The following PMM2 variants were observed in gnomAD, a reference collection of about 807,000 sequenced individuals.
PMM2 encodes the protein mannose-6-phosphate isomerase.
PMM2 carries 35 observed loss-of-function variants against 33.2 expected under a neutral mutation model. The observed-to-expected ratio is 1.06, with a 90% confidence interval of 0.81 to 1.40. The LOEUF is 1.40. Ranked by LOEUF, PMM2 falls within the 40% of genes most tolerant of loss-of-function variation. The pLI is 0.00. For synonymous variants in PMM2, 153 were observed against 114.7 expected, an observed-to-expected ratio of 1.33 and a Z score of -2.13; for missense variants, 386 against 306.0, an observed-to-expected ratio of 1.26 and a Z score of -1.95.
At chr16:8,819,785 G>C (rs2060727670) in intron 7 of PMM2, among the ~76,000 whole-genome samples, 1 of 151,932 alleles carries the variant, frequency 6.6e-6, no homozygotes, top group Non-Finnish European at 1.5e-5. Context: ...CTCAGTGTCA[G>C]ACCCTGAGCT....
At position 8,813,857 on chromosome 16, in the gene PMM2, C is replaced by CTTTTTTT. The variant is rs148507269; in HGVS notation, c.639+770_639+776dup. 1.6e-3 allele frequency among the ~76,000 whole-genome samples: 144 copies of CTTTTTTT among 89,126 alleles called. 1 individual carries two copies. Among genetic ancestry groups the CTTTTTTT allele is most frequent in the Non-Finnish European group, 2.2e-3 (100 of 46,114 alleles). 58.5% of individuals were successfully genotyped at this position (89,126 alleles called of 152,430 possible). On this transcript the variant is annotated intron_variant, in intron 7 of 7. Coordinates refer to ENST00000268261, the MANE Select transcript of PMM2 (RefSeq NM_000303.3). ...CTTTGGGCCAGCTCCTTTTCTTTCT[C>CTTTTTTT]TTTTTTTTTTTTTTTTTTTTTTTTT...
At chr16:8,846,941 G>A (rs1237957137) in intron 7 of PMM2, among the ~76,000 whole-genome samples, 10 of 152,214 alleles carry the variant, frequency 6.6e-5, no homozygotes, top group Admixed American at 5.9e-4. Flanking sequence ...TCGGCTTACT[G>A]CAACTTCCAC....
intron 7 of PMM2, among the ~76,000 whole-genome samples, chr16:8,825,743 A>G (rs1048338148): frequency 6.8e-6 from 1 of 147,270 alleles, no homozygotes; most frequent in African/African-American, 2.5e-5. Flanking sequence ...TCAGTGTTCA[A>G]AAATAAAACA....
chr16:8,815,399 T>G (rs2060702274), intron 7 of PMM2, among the ~76,000 whole-genome samples: 1 of 151,990 alleles, frequency 6.6e-6, no homozygotes, highest in Non-Finnish European at 1.5e-5. Context: ...CCCGGCTAAT[T>G]TTTGTATTTT....
At chr16:8,832,807 C>T in intron 7 of PMM2, 1 of 985,452 alleles carries the variant, frequency 1.0e-6, no homozygotes, top group Non-Finnish European at 1.2e-6. Context: ...GGCCCCAGCC[C>T]CTGCCCATCC....
intron 7 of PMM2, among the ~76,000 whole-genome samples, chr16:8,823,257 T>G (rs1169519207): frequency 6.6e-6 from 1 of 152,030 alleles, no homozygotes; most frequent in Non-Finnish European, 1.5e-5. Flanking sequence ...TTGCAGGGCC[T>G]CAGGAAAAAG....
chr16:8,843,307 G>A (rs556329818), intron 7 of PMM2, among the ~76,000 whole-genome samples: 3 of 152,122 alleles, frequency 2.0e-5, no homozygotes, highest in East Asian at 3.9e-4. Flanking sequence ...AAAGCTTGGC[G>A]TCCGTGATGG....
chr16:8,833,563 G>A (rs527291535), intron 7 of PMM2, among the ~76,000 whole-genome samples: 21 of 151,582 alleles, frequency 1.4e-4, no homozygotes, highest in African/African-American at 3.9e-4. Context: ...GAGAATGGAC[G>A]ATGTTTCTCA....
intron 7 of PMM2, among the ~76,000 whole-genome samples, chr16:8,833,906 A>G (rs988075851): frequency 6.6e-6 from 1 of 152,124 alleles, no homozygotes; most frequent in Non-Finnish European, 1.5e-5. Context: ...GGATAGCACC[A>G]GGAGATATCA....
intron 7 of PMM2, among the ~76,000 whole-genome samples, chr16:8,839,172 C>A (rs1271073125): frequency 6.6e-6 from 1 of 151,924 alleles, no homozygotes; most frequent in African/African-American, 2.4e-5. Context: ...GTGTCGGTGT[C>A]ATGAGGGGAA....
At chr16:8,837,123 G>A (rs1193621374) in intron 7 of PMM2, among the ~76,000 whole-genome samples, 1 of 151,880 alleles carries the variant, frequency 6.6e-6, no homozygotes, top group Admixed American at 6.6e-5. Flanking sequence ...GACGCTTGGG[G>A]TTGCGACTGA....
Position 8,821,563 on chromosome 16 carries a change from G to A in PMM2, c.639+8457G>A, listed in dbSNP as rs117915525. 2.8e-3 allele frequency among the ~76,000 whole-genome samples: 432 copies of A among 152,310 alleles called. 1 individual carries two copies. The highest frequency in any genetic ancestry group is 0.012 in the South Asian group (60 of 4,832). ...GGAGCCCCTTGATGTCCGCAGAATC[G>A]GCATCTCCTGTGGGCATTCCAGGCC... On this transcript the variant is annotated intron_variant, in intron 7 of 7. Transcript: ENST00000268261.
At chr16:8,819,356 G>A (rs1008452311) in intron 7 of PMM2, among the ~76,000 whole-genome samples, 1 of 152,108 alleles carries the variant, frequency 6.6e-6, no homozygotes, top group South Asian at 2.1e-4. Context: ...GTCTAAAGAG[G>A]GCAAAGGAAT....
chr16:8,818,282 G>A (rs1369399322), intron 7 of PMM2, among the ~76,000 whole-genome samples: 2 of 152,336 alleles, frequency 1.3e-5, no homozygotes, highest in Middle Eastern at 3.4e-3. Flanking sequence ...CACGTTGGGT[G>A]GTTTAAGGGG....
At chr16:8,804,022 G>GTTTTTTT (rs770345977) in intron 2 of PMM2, among the ~76,000 whole-genome samples, 30 of 25,948 alleles carry the variant, frequency 1.2e-3, no homozygotes, top group African/African-American at 3.0e-3. Context: ...TGTTTTTTGG[G>GTTTTTTT]TTTTTTTTGT....
At chr16:8,835,960 A>T (rs1445222536) in intron 7 of PMM2, among the ~76,000 whole-genome samples, 12 of 151,680 alleles carry the variant, frequency 7.9e-5, no homozygotes, top group Non-Finnish European at 1.8e-4. Flanking sequence ...AGGAATACTC[A>T]GGGAAGCAGA....
At chr16:8,821,698 C>T (rs565909355) in intron 7 of PMM2, among the ~76,000 whole-genome samples, 8 of 152,230 alleles carry the variant, frequency 5.3e-5, no homozygotes, top group African/African-American at 1.9e-4. Context: ...CCTAGGGCCA[C>T]TAGCCCCTTG....
intron 7 of PMM2, among the ~76,000 whole-genome samples, chr16:8,815,366 G>T (rs2060701939): frequency 1.3e-5 from 2 of 152,026 alleles, no homozygotes; most frequent in African/African-American, 4.8e-5. Flanking sequence ...TAGTGGCTGG[G>T]ATTACAGGAG....
In PMM2 at chr16:8,811,036, A is replaced by G. The variant is rs745428670; in HGVS notation, c.348-43A>G. 7 of 1,196,146 alleles carry G rather than the reference A, an allele frequency of 5.9e-6. No individual in the cohort carries two copies. The East Asian group carries it at 1.8e-4, about 30-fold the overall frequency. 74.1% of individuals were successfully genotyped at this position (1,196,146 alleles called of 1,614,324 possible). On this transcript the variant is annotated intron_variant, in intron 4 of 7. Coordinates refer to ENST00000268261, the MANE Select transcript of PMM2 (RefSeq NM_000303.3). ...CTGTTTATCTATGTTGCCCAAATGA[A>G]TAACGTGTTTTTGGAGAAACTCTGT... is the stretch of plus-strand genomic sequence containing the variant.
Sources: allele counts gnomAD v4.1 joint callset (sites outside exome capture counted in the v4.1 genomes callset), GRCh38; gene constraint gnomAD v4.1.1; transcripts MANE v1.5; gene names NCBI Gene and HGNC (gene_info 2026-07-23, HGNC 2026-07-21).